PIK3C2G: variants seen among roughly 807,000 people sequenced by gnomAD.
PIK3C2G encodes the protein phosphatidylinositol 3-kinase C2 domain-containing subunit gamma.
PIK3C2G carries 168 observed loss-of-function variants against 181.1 expected under a neutral mutation model. That is an observed-to-expected ratio of 0.93 (90% CI 0.82 to 1.05). The LOEUF (loss-of-function observed/expected upper bound fraction) is 1.05, where lower values mean the gene tolerates loss of function less well. PIK3C2G is among the 50% of genes least tolerant of loss of function. The pLI, the probability that PIK3C2G is intolerant of heterozygous loss-of-function variation, is 0.00. For synonymous variants in PIK3C2G, 573 were observed against 592.2 expected, an observed-to-expected ratio of 0.97 and a Z score of 0.47; for missense variants, 1,869 against 1,732.8, an observed-to-expected ratio of 1.08 and a Z score of -1.40.
At chr12:18,676,568 T>TAAG in the PIK3C2G span, among the ~76,000 whole-genome samples, 11 of 152,068 alleles carry the variant, frequency 7.2e-5, no homozygotes, top group African/African-American at 2.6e-4. Flanking sequence ...GTTAGGTGTC[T>TAAG]AAGAAGGGAG....
At chr12:18,249,624 G>A (rs1183440785) in intron 1 of PIK3C2G, among the ~76,000 whole-genome samples, 2 of 152,168 alleles carry the variant, frequency 1.3e-5, no homozygotes, top group Admixed American at 6.5e-5. Context: ...GGGCAGGAGC[G>A]ACTGTTCACT....
At chr12:18,562,641 T>C (rs920308538) in intron 26 of PIK3C2G, 62 bp from the exon 27 acceptor site, 8 of 993,000 alleles carry the variant, frequency 8.1e-6, no homozygotes, top group Middle Eastern at 2.1e-4. Context: ...AAACAGATCA[T>C]AAATGAAATG....
chr12:18,267,621 TC>T (rs1295630975), intron 1 of PIK3C2G, among the ~76,000 whole-genome samples: 1 of 152,172 alleles, frequency 6.6e-6, no homozygotes, highest in Non-Finnish European at 1.5e-5. Context: ...AGCATGTTTC[TC>T]AGATTTTCAA....
chr12:18,361,208 A>C lies in PIK3C2G; in HGVS notation c.1626-1556A>C, dbSNP rs145255805. On this transcript the variant is annotated intron_variant, in intron 11 of 32. Transcript: ENST00000538779. The stretch of plus-strand genomic sequence containing the variant: ...ATTCTGCTTCAGAATCTCTGTAGTA[A>C]ATTTCTCAACTCAGTTATTGTATCC... Among the ~76,000 whole-genome samples the C allele has an allele frequency of 1.1e-3, 166 of 152,164 alleles. 1 individual carries two copies. The highest frequency in any genetic ancestry group is 3.3e-3 in the Admixed American group (50 of 15,272).
intron 13 of PIK3C2G, among the ~76,000 whole-genome samples, chr12:18,374,276 A>C (rs927135658): frequency 6.6e-6 from 1 of 152,216 alleles, no homozygotes; most frequent in Admixed American, 6.5e-5. Context: ...ATTTCAAAAA[A>C]GGCCTAAAAT....
intron 31 of PIK3C2G, among the ~76,000 whole-genome samples, chr12:18,632,877 C>T (rs1949409889): frequency 6.6e-6 from 1 of 152,208 alleles, no homozygotes; most frequent in South Asian, 2.1e-4. Flanking sequence ...TGGAAACCCC[C>T]TCACAGACAT....
rs17847792 is a variant in PIK3C2G at position 18,391,303 on chromosome 12, C to A, written c.2126+51C>A. ...AATTTTTGCCTGCTGTTTATGATTT[C>A]CTCAATCATTCTTGAAGCATGATAG... On this transcript the variant is annotated intron_variant, in intron 15 of 32. Coordinates refer to ENST00000538779, the MANE Select transcript of PIK3C2G (RefSeq NM_001288772.2). 124 of 1,409,860 alleles carry A rather than the reference C, an allele frequency of 8.8e-5. No homozygotes were observed. The East Asian group carries it at 3.1e-3, about 35-fold the overall frequency. The allele number at this position is 1,409,860 out of a possible 1,614,324, so 87.3% of individuals were successfully genotyped here. A position where few individuals can be genotyped will look rare whatever the true frequency, so the allele number is the denominator to read the frequency against.
At chr12:18,719,761 T>A in the PIK3C2G span, 1 of 569,076 alleles carries the variant, frequency 1.8e-6, no homozygotes, top group Non-Finnish European at 2.9e-6. Context: ...AGAATTAATA[T>A]TAATACTATA....
chr12:18,620,527 CAGATAGAT>C (rs72448986), intron 31 of PIK3C2G, among the ~76,000 whole-genome samples: 3,142 of 148,146 alleles, frequency 0.021, 48 homozygotes, highest in South Asian at 0.045. Context: ...ATTAGACAGA[CAGATAGAT>C]AGATAGATAG....
chr12:18,322,155 C>A (rs370996430), intron 7 of PIK3C2G, among the ~76,000 whole-genome samples: 1 of 152,056 alleles, frequency 6.6e-6, no homozygotes, highest in East Asian at 1.9e-4. Context: ...GAGGCCTAGG[C>A]GGGCGGATCA....
chr12:18,346,507 C>A, intron 10 of PIK3C2G, 134 bp from the exon 11 acceptor site: 2 of 522,738 alleles, frequency 3.8e-6, no homozygotes, highest in Non-Finnish European at 3.3e-6. Flanking sequence ...ATAGTTAATT[C>A]TCTTCAATTG....
chr12:18,454,299 A>G (rs950466816), intron 18 of PIK3C2G, among the ~76,000 whole-genome samples: 3 of 152,180 alleles, frequency 2.0e-5, no homozygotes, highest in Admixed American at 6.6e-5. Context: ...ACAAGGACCT[A>G]TGTTGGGAGG....
intron 11 of PIK3C2G, among the ~76,000 whole-genome samples, chr12:18,357,747 T>C (rs772269236): frequency 2.0e-5 from 3 of 152,226 alleles, no homozygotes; most frequent in African/African-American, 7.2e-5. Context: ...TCTGTAGACC[T>C]TTTTCATCTG....
chr12:18,489,258 G>A (rs1283012204), intron 19 of PIK3C2G, among the ~76,000 whole-genome samples: 2 of 151,954 alleles, frequency 1.3e-5, no homozygotes, highest in Admixed American at 6.6e-5. Context: ...TAGATGCAGG[G>A]AGAAAGGGGA....
intron 15 of PIK3C2G, among the ~76,000 whole-genome samples, chr12:18,397,063 G>C (rs1341347411): frequency 2.0e-5 from 3 of 151,868 alleles, no homozygotes; most frequent in Non-Finnish European, 4.4e-5. Flanking sequence ...ATTGCTTAAG[G>C]ACAGGCAAAT....
chr12:18,334,588 A>C (rs1191690403), intron 8 of PIK3C2G, among the ~76,000 whole-genome samples: 2 of 151,970 alleles, frequency 1.3e-5, no homozygotes, highest in Non-Finnish European at 2.9e-5. Flanking sequence ...TAAAATATTA[A>C]ATGTTCTGAA....
rs1364011069 is a variant in PIK3C2G, at chr12:18,609,529, T to C, written c.4088-6T>C. The C allele has an allele frequency of 1.1e-5, 17 of 1,545,464 alleles. No individual in the cohort carries two copies. The highest frequency in any genetic ancestry group is 1.8e-5 in the Admixed American group (1 of 54,372). On this transcript the variant is annotated splice_polypyrimidine_tract_variant and splice_region_variant and intron_variant, in intron 30 of 32. Coordinates refer to ENST00000538779, the MANE Select transcript of PIK3C2G (RefSeq NM_001288772.2). ...TGAACTCACTGAAATTCTATTCTTT[T>C]ATCAGGTGAGAAGTTTCCAGACAAG...
intron 13 of PIK3C2G, among the ~76,000 whole-genome samples, chr12:18,377,798 G>A (rs901294724): frequency 3.9e-5 from 6 of 152,020 alleles, no homozygotes; most frequent in Non-Finnish European, 2.9e-5. Flanking sequence ...CCATTTGCCT[G>A]GTCTTATATA....
chr12:18,491,204 T>C (rs1244676608), intron 19 of PIK3C2G, among the ~76,000 whole-genome samples: 1 of 152,194 alleles, frequency 6.6e-6, no homozygotes, highest in Non-Finnish European at 1.5e-5. Flanking sequence ...TTTTTATTTT[T>C]AGTTGAATTT....
Sources: gnomAD v4.1 joint callset for allele counts (sites outside exome capture counted in the v4.1 genomes callset) on GRCh38, gnomAD v4.1.1 for gene constraint, MANE v1.5 for transcripts, NCBI Gene and HGNC (gene_info 2026-07-23, HGNC 2026-07-21) for gene names.